The following DNAH10 variants were observed in gnomAD, a reference collection of about 807,000 sequenced individuals.
The protein encoded by DNAH10 is axonemal beta dynein heavy chain 10.
DNAH10 carries 348 observed loss-of-function variants against 506.6 expected under a neutral mutation model. The observed-to-expected ratio is 0.69, with a 90% CI of 0.63 to 0.75. The LOEUF (loss-of-function observed/expected upper bound fraction) is 0.75, where lower values mean the gene tolerates loss of function less well. Among genes scored for constraint, DNAH10 ranks in the 30% least tolerant of loss-of-function variants. The pLI is 0.00. For missense variants in DNAH10, 5,179 were observed against 5,787.1 expected, an observed-to-expected ratio of 0.89 and a Z score of 3.41; for synonymous variants, 2,059 against 2,198.6, an observed-to-expected ratio of 0.94 and a Z score of 1.78.
intron 26 of DNAH10, among the ~76,000 whole-genome samples, chr12:123,831,658 C>T (rs1042339647): frequency 5.3e-5 from 8 of 152,052 alleles, no homozygotes; most frequent in South Asian, 4.1e-4. Flanking sequence ...TTTGGGAGGC[C>T]GAGGAGGGTG....
In DNAH10 at chr12:123,853,481, C is replaced by G; in HGVS notation, c.6438+129C>G. The G allele has an allele frequency of 8.0e-7, 1 of 1,242,526 alleles. No homozygotes were observed. Among genetic ancestry groups the G allele is most frequent in the Non-Finnish European group, 1.1e-6 (1 of 936,162 alleles). The allele number at this position is 1,242,526 out of a possible 1,614,324, so 77.0% of individuals were successfully genotyped here. On this transcript the variant is annotated intron_variant, in intron 36 of 78. Coordinates refer to ENST00000673944, the MANE Select transcript of DNAH10 (RefSeq NM_001372106.1). The surrounding 1 kb of genome is among the most constrained non-coding windows in gnomAD (Gnocchi z 4.7). The stretch of plus-strand genomic sequence containing the variant: ...TTAAGTCTTAGCTGCCTCTTCACCC[C>G]GCGGTCTGGCCTTACTTTGGCCTCT...
rs759419340 is a variant in DNAH10 at position 123,846,040 on chromosome 12, G to A, written c.5700G>A (p.Glu1900=). The change falls in exon 32 of 79, where the codon GAG becomes GAA. Residue 1900 remains glutamate (E), a synonymous_variant. Transcript: ENST00000673944. This position sits in a 1 kb window ranked among gnomAD's most constrained non-coding sequence, Gnocchi z 4.5. ...TTTATTGGGACCGGGAGCCGGATGA[G>A]CTGAACATCCGCCAGTGCACGGGAA... ...LRFYWDREPD[E]LNIRQCTGTF... is the part of the protein sequence containing the mutation. The A allele has an allele frequency of 6.8e-6, 11 of 1,613,912 alleles. No individual in the cohort carries two copies. In the African/African-American group the frequency reaches 1.2e-4, roughly 18 times the overall value.
rs1189108625 is a variant in DNAH10 at position 123,907,107 on chromosome 12, G to A, written c.9816-2154G>A. On this transcript the variant is annotated intron_variant, in intron 57 of 78. Coordinates refer to ENST00000673944, the MANE Select transcript of DNAH10 (RefSeq NM_001372106.1). The surrounding 1 kb of genome is among the most constrained non-coding windows in gnomAD (Gnocchi z 4.4). Reference sequence around the variant, plus strand: ...CTTCACTGCGTGGCGCTGACACTCTGTTTTCCTATAGGAATCCCATGTGCA... The same window carrying A: ...CTTCACTGCGTGGCGCTGACACTCTATTTTCCTATAGGAATCCCATGTGCA... Among the ~76,000 whole-genome samples the A allele has an allele frequency of 1.3e-5, 2 of 152,224 alleles. No homozygotes were observed.
At chr12:123,858,691 T>A (rs1196299982) in intron 37 of DNAH10, among the ~76,000 whole-genome samples, 1 of 152,184 alleles carries the variant, frequency 6.6e-6, no homozygotes, top group Non-Finnish European at 1.5e-5. Context: ...CATCCATCAG[T>A]TGATGGATCC....
chr12:123,898,776 A>G lies in DNAH10; in HGVS notation c.9602A>G (p.Glu3201Gly), dbSNP rs376294052. ...IVLAEKSAACEALLEEIAVNT... is the reference protein window; with the variant it reads ...IVLAEKSAACGALLEEIAVNT... ...CTGGCGGAGAAGTCCGCCGCCTGCG[A>G]GGCCTTGCTGGAGGAGATCGCCGTC... The change falls in exon 56 of 79, where the codon GAG (glutamate) becomes GGG (glycine). Residue 3201 changes from glutamate (E) to glycine (G), a missense_variant. Coordinates refer to ENST00000673944, the MANE Select transcript of DNAH10 (RefSeq NM_001372106.1). The G allele has an allele frequency of 9.8e-5, 158 of 1,612,388 alleles. No homozygotes were observed. The highest frequency in any genetic ancestry group is 1.1e-4 in the Non-Finnish European group (125 of 1,179,510).
chr12:123,857,604 T>G (rs56025259), intron 37 of DNAH10, among the ~76,000 whole-genome samples: 3,411 of 152,308 alleles, frequency 0.022, 108 homozygotes, highest in African/African-American at 0.068. Context: ...GGCGCTCGCC[T>G]GTAGTCTCAG....
At chr12:123,847,892 A>G (rs1951020037) in intron 32 of DNAH10, 69 bp from the exon 33 acceptor site, 8 of 1,533,254 alleles carry the variant, frequency 5.2e-6, no homozygotes, top group Non-Finnish European at 7.0e-6. Flanking sequence ...CACAGTGATG[A>G]ATTTGGAAAT....
chr12:123,780,236 G>A lies in DNAH10; in HGVS notation c.622-844G>A, dbSNP rs188758410. ...GGTTGGAGTGCAGTGGTGCGATCTC[G>A]GCTCCCTGCAACCGCCGCCTCCTGG... On this transcript the variant is annotated intron_variant, in intron 5 of 78. Coordinates refer to ENST00000673944, the MANE Select transcript of DNAH10 (RefSeq NM_001372106.1). Among the ~76,000 whole-genome samples, 18 of 148,128 alleles carry A rather than the reference G, an allele frequency of 1.2e-4. No homozygotes were observed. The East Asian group carries it at 3.1e-3, about 26-fold the overall frequency.
chr12:123,849,700 C>A (rs1326950507), intron 34 of DNAH10, among the ~76,000 whole-genome samples: 3 of 152,240 alleles, frequency 2.0e-5, no homozygotes, highest in Non-Finnish European at 4.4e-5. Flanking sequence ...CCCTTCTTCC[C>A]TTCACTGGAA....
At chr12:123,886,494 CGTG>C (rs1952739064) in intron 51 of DNAH10, among the ~76,000 whole-genome samples, 3 of 150,924 alleles carry the variant, frequency 2.0e-5, no homozygotes, top group Admixed American at 1.3e-4. Flanking sequence ...TGTGTGCACA[CGTG>C]TGTGTGTGTG....
chr12:123,933,581 A>G, intron 77 of DNAH10, 70 bp downstream of exon 77: 1 of 1,503,630 alleles, frequency 6.7e-7, no homozygotes, highest in Non-Finnish European at 8.9e-7. Flanking sequence ...CCTCCAACTC[A>G]AAGGGACAGG....
chr12:123,837,013 G>A (rs887175085), intron 28 of DNAH10, among the ~76,000 whole-genome samples: 4 of 151,072 alleles, frequency 2.6e-5, no homozygotes, highest in South Asian at 2.2e-4. Context: ...CACCACGCCC[G>A]GCTAATTTTT....
chr12:123,850,745 G>A lies in DNAH10; in HGVS notation c.6103-143G>A, dbSNP rs1951124700. The A allele has an allele frequency of 1.1e-6, 1 of 886,266 alleles. No homozygotes were observed. Among genetic ancestry groups the A allele is most frequent in the Non-Finnish European group, 1.7e-6 (1 of 601,918 alleles). The allele number at this position is 886,266 out of a possible 1,614,324, so 54.9% of individuals were successfully genotyped here. ...AGGGGGGCCCTGCATTGAACACCGG[G>A]GAGGGAAAAAGAGACAAGTGGTGTT... On this transcript the variant is annotated intron_variant, in intron 34 of 78. Coordinates refer to ENST00000673944, the MANE Select transcript of DNAH10 (RefSeq NM_001372106.1). This position sits in a 1 kb window ranked among gnomAD's most constrained non-coding sequence, Gnocchi z 5.5.
At chr12:123,810,320 G>A (rs190697413) in intron 19 of DNAH10, among the ~76,000 whole-genome samples, 197 of 152,268 alleles carry the variant, frequency 1.3e-3, no homozygotes, top group African/African-American at 4.5e-3. Context: ...ACATGTTTCC[G>A]GCATTTTTAG....
rs202176271 is a variant in DNAH10, at chr12:123,875,491, G to A, written c.8199G>A (p.Ser2733=). 7 of 1,613,166 alleles carry A rather than the reference G, an allele frequency of 4.3e-6. No individual in the cohort carries two copies. Among genetic ancestry groups the A allele is most frequent in the South Asian group, 1.1e-5 (1 of 91,078 alleles). ...IYSSILKGHT[S]TFHESIVAVS... ...CCTCCATCCTGAAAGGCCACACCTC[G>A]GTAACTTGATTTTAACTAGAAGTCT... The change falls in exon 47 of 79, where the codon TCG becomes TCA. Residue 2733 remains serine (S), a splice_region_variant and synonymous_variant. Coordinates refer to ENST00000673944, the MANE Select transcript of DNAH10 (RefSeq NM_001372106.1).
rs33920942 is a variant in DNAH10, at chr12:123,770,974, C to CTTTTT, written c.299-613_299-609dup. On this transcript the variant is annotated intron_variant, in intron 2 of 78. Transcript: ENST00000673944. ...AAATGCTAACATGCTAGCTGTAATT[C>CTTTTT]TTTTTTTTTTTTTTTTTTGAGATGG... is the stretch of plus-strand genomic sequence containing the variant. 1.7e-3 allele frequency among the ~76,000 whole-genome samples: 213 copies of CTTTTT among 126,382 alleles called. 6 individuals are homozygous for CTTTTT. The highest frequency in any genetic ancestry group is 6.0e-3 in the African/African-American group (198 of 33,070). 82.9% of individuals were successfully genotyped at this position (126,382 alleles called of 152,430 possible). A position where few individuals can be genotyped will look rare whatever the true frequency, so the allele number is the denominator to read the frequency against.
chr12:123,766,486 T>C (rs1214925990), intron 1 of DNAH10, among the ~76,000 whole-genome samples: 1 of 152,222 alleles, frequency 6.6e-6, no homozygotes, highest in East Asian at 1.9e-4. Flanking sequence ...TTCATGCCAA[T>C]TCCTATAGTT....
chr12:123,764,550 C>G (rs1186896564), intron 1 of DNAH10, among the ~76,000 whole-genome samples: 1 of 152,110 alleles, frequency 6.6e-6, no homozygotes, highest in African/African-American at 2.4e-5. Flanking sequence ...CTTGCAGAAG[C>G]CCTCCAAGGG....
rs569795083 is a variant in DNAH10, at chr12:123,925,258, G to A, written c.11921+54G>A. 7.8e-5 allele frequency: 126 copies of A among 1,609,096 alleles called. No individual in the cohort carries two copies. In the East Asian group the frequency reaches 9.2e-4, roughly 12 times the overall value. The stretch of plus-strand genomic sequence containing the variant: ...CTTTCCGTGGGGTGGAATCTCTAGC[G>A]TCCTCCCACCTTGGACTCAAAGAAA... On this transcript the variant is annotated intron_variant, in intron 68 of 78. Coordinates refer to ENST00000673944, the MANE Select transcript of DNAH10 (RefSeq NM_001372106.1). The surrounding 1 kb of genome is among the most constrained non-coding windows in gnomAD (Gnocchi z 4.0).
Sources: allele counts gnomAD v4.1 joint callset (sites outside exome capture counted in the v4.1 genomes callset), GRCh38; gene constraint gnomAD v4.1.1; non-coding constraint Gnocchi (gnomAD v3.1); transcripts MANE v1.5; gene names NCBI Gene and HGNC (gene_info 2026-07-23, HGNC 2026-07-21).